The following PTPRT variants were observed in gnomAD, a reference collection of about 807,000 sequenced individuals.
PTPRT encodes the protein receptor-type tyrosine-protein phosphatase T.
PTPRT carries 56 observed loss-of-function variants against 176.8 expected under a neutral mutation model. The observed-to-expected ratio is 0.32, with a 90% CI of 0.26 to 0.40. PTPRT has a LOEUF of 0.40. Ranked by LOEUF, PTPRT falls within the 10% of genes least tolerant of loss-of-function variation. The probability of loss-of-function intolerance (pLI) is 1.00; values close to 1 mark genes in which losing one functional copy is unlikely to be tolerated. For synonymous variants in PTPRT, 783 were observed against 739.0 expected, an observed-to-expected ratio of 1.06 and a Z score of -0.96; for missense variants, 1,540 against 1,908.2, an observed-to-expected ratio of 0.81 and a Z score of 3.60.
chr20:42,686,628 T>C (rs34574639), intron 6 of PTPRT, among the ~76,000 whole-genome samples: 1 of 151,668 alleles, frequency 6.6e-6, no homozygotes, highest in African/African-American at 2.4e-5. Flanking sequence ...GAACTACAGG[T>C]GCTACAGGCA....
chr20:42,397,599 T>A (rs558222891), intron 9 of PTPRT, among the ~76,000 whole-genome samples: 1 of 152,342 alleles, frequency 6.6e-6, no homozygotes, highest in South Asian at 2.1e-4. Flanking sequence ...GTTGCATCCA[T>A]GTTGTGACAA....
rs189208082 is a variant in PTPRT, at chr20:43,053,717, T to C, written c.88+135929A>G. Among the ~76,000 whole-genome samples, 4 of 152,262 alleles carry C rather than the reference T, an allele frequency of 2.6e-5. No homozygotes were observed. In the East Asian group the frequency reaches 5.8e-4, roughly 22 times the overall value. The stretch of plus-strand genomic sequence containing the variant: ...ACTGAGCTGGCCACCACCCTGGCGA[T>C]TGCTCTCCACAGTGTTTGAGGACTG... On this transcript the variant is annotated intron_variant, in intron 1 of 30. Transcript: ENST00000373187.
intron 6 of PTPRT, among the ~76,000 whole-genome samples, chr20:42,712,335 T>G (rs2076157142): frequency 6.6e-6 from 1 of 152,088 alleles, no homozygotes. Flanking sequence ...AGCCCTGATT[T>G]TAAGAGAAGC....
chr20:42,720,852 A>G (rs1683762073), intron 6 of PTPRT, among the ~76,000 whole-genome samples: 1 of 152,178 alleles, frequency 6.6e-6, no homozygotes, highest in Non-Finnish European at 1.5e-5. Context: ...ACTGTCTCTC[A>G]CTAGAGAGTT....
At chr20:42,127,025 A>G (rs1987891688) in intron 19 of PTPRT, among the ~76,000 whole-genome samples, 2 of 152,154 alleles carry the variant, frequency 1.3e-5, no homozygotes, top group South Asian at 4.1e-4. Context: ...AACAGAAACC[A>G]GTCTATGTGT....
At chr20:42,867,307 A>G (rs1399168015) in intron 2 of PTPRT, among the ~76,000 whole-genome samples, 2 of 151,872 alleles carry the variant, frequency 1.3e-5, no homozygotes, top group Non-Finnish European at 2.9e-5. Context: ...GCTAGTCACT[A>G]GTAGAATTGG....
At chr20:42,777,825 A>G (rs1761239734) in intron 4 of PTPRT, among the ~76,000 whole-genome samples, 1 of 152,216 alleles carries the variant, frequency 6.6e-6, no homozygotes. Flanking sequence ...TACCTCAGGC[A>G]TTATATACAT....
intron 6 of PTPRT, among the ~76,000 whole-genome samples, chr20:42,694,280 C>T: frequency 6.6e-6 from 1 of 152,088 alleles, no homozygotes; most frequent in Non-Finnish European, 1.5e-5. Flanking sequence ...CCTCGTGATC[C>T]ACCTGCCTTG....
At chr20:43,125,290 G>A (rs771733594) in intron 1 of PTPRT, among the ~76,000 whole-genome samples, 2 of 151,700 alleles carry the variant, frequency 1.3e-5, no homozygotes, top group Non-Finnish European at 2.9e-5. Flanking sequence ...GTCAGCCACC[G>A]TGCTGGGCCA....
intron 1 of PTPRT, among the ~76,000 whole-genome samples, chr20:43,076,910 C>A (rs1328208433): frequency 1.3e-5 from 2 of 152,192 alleles, no homozygotes; most frequent in Non-Finnish European, 2.9e-5. Context: ...AGCTGGATTT[C>A]CAACCAGCTC....
intron 9 of PTPRT, among the ~76,000 whole-genome samples, chr20:42,428,876 G>A (rs6072741): frequency 6.6e-6 from 1 of 152,060 alleles, no homozygotes; most frequent in Non-Finnish European, 1.5e-5. Flanking sequence ...CCAAGCCAAG[G>A]CTAGATCCAG....
At chr20:43,068,706 G>A (rs570522825) in intron 1 of PTPRT, among the ~76,000 whole-genome samples, 2 of 152,206 alleles carry the variant, frequency 1.3e-5, no homozygotes, top group African/African-American at 2.4e-5. Context: ...GAGAAGAAAG[G>A]AGAAAGAATT....
intron 17 of PTPRT, among the ~76,000 whole-genome samples, chr20:42,142,489 G>A (rs1455521825): frequency 1.3e-5 from 2 of 152,186 alleles, no homozygotes; most frequent in African/African-American, 4.8e-5. Context: ...GATGAGGAAT[G>A]AGAATTATTT....
At chr20:42,036,311 A>G in the PTPRT span, among the ~76,000 whole-genome samples, 749 of 152,332 alleles carry the variant, frequency 4.9e-3, 3 homozygotes, top group African/African-American at 0.018. Context: ...TTTAGGCAGC[A>G]AGGTCTTTAG....
Position 42,092,628 on chromosome 20 carries a change from T to C in PTPRT, c.3846+5793A>G, listed in dbSNP as rs553517810. ...AACAGAGACACAGCCCCTTGCAAAG[T>C]CAGACCTGAGGCTGGCTGAGATGCA... On this transcript the variant is annotated intron_variant, in intron 27 of 30. Transcript: ENST00000373187. 7.9e-5 allele frequency among the ~76,000 whole-genome samples: 12 copies of C among 152,286 alleles called. No individual in the cohort carries two copies. The South Asian group carries it at 2.5e-3, about 32-fold the overall frequency.
chr20:42,445,670 G>T (rs560228119), intron 9 of PTPRT, among the ~76,000 whole-genome samples: 63 of 152,264 alleles, frequency 4.1e-4, no homozygotes, highest in African/African-American at 1.4e-3. Context: ...ACAATACTCT[G>T]GTTCCGGTTC....
chr20:42,660,639 C>T (rs1415195801), intron 7 of PTPRT, among the ~76,000 whole-genome samples: 3 of 152,146 alleles, frequency 2.0e-5, no homozygotes, highest in Non-Finnish European at 2.9e-5. Context: ...TTTGTCTCCA[C>T]AACATTCATT....
chr20:43,171,535 T>C (rs1028510524), intron 1 of PTPRT, among the ~76,000 whole-genome samples: 1 of 152,158 alleles, frequency 6.6e-6, no homozygotes, highest in East Asian at 1.9e-4. Flanking sequence ...TCCCTCTTAT[T>C]TGGCTGAGAG....
chr20:42,087,491 C>T (rs369104728), intron 27 of PTPRT, among the ~76,000 whole-genome samples: 3 of 151,704 alleles, frequency 2.0e-5, no homozygotes, highest in Admixed American at 2.0e-4. Flanking sequence ...TCGTGATCCA[C>T]CCACCTTGGC....
Sources: allele counts gnomAD v4.1 joint callset (sites outside exome capture counted in the v4.1 genomes callset), GRCh38; gene constraint gnomAD v4.1.1; transcripts MANE v1.5; gene names NCBI Gene and HGNC (gene_info 2026-07-23, HGNC 2026-07-21).